TRAPPC1: variants seen among roughly 807,000 people sequenced by gnomAD.
TRAPPC1 encodes the protein trafficking protein particle complex subunit 1.
A neutral mutation model predicts 17.2 loss-of-function variants in TRAPPC1; 10 were observed. The observed-to-expected ratio is 0.58, with a 90% CI of 0.36 to 0.99. The LOEUF (loss-of-function observed/expected upper bound fraction) is 0.99. TRAPPC1 is among the 50% of genes least tolerant of loss of function. TRAPPC1 has a pLI of 0.01. For synonymous variants in TRAPPC1, 85 were observed against 74.5 expected, an observed-to-expected ratio of 1.14 and a Z score of -0.72; for missense variants, 163 against 184.4, an observed-to-expected ratio of 0.88 and a Z score of 0.67.
chr17:7,931,223 C>T, intron 2 of TRAPPC1, 74 bp from the exon 3 acceptor site: 4 of 1,528,888 alleles, frequency 2.6e-6, no homozygotes, highest in Non-Finnish European at 3.6e-6. Flanking sequence ...TCCCCGCAAA[C>T]ATCGACTCCC....
chr17:7,931,415 G>A (rs1972500457), intron 2 of TRAPPC1, 91 bp downstream of exon 2: 2 of 1,346,506 alleles, frequency 1.5e-6, no homozygotes, highest in Admixed American at 1.9e-5. Context: ...CCCCTCTGGA[G>A]GCCAATGCTC....
In TRAPPC1 at chr17:7,931,717, G is replaced by T; in HGVS notation, c.99+14C>A. The T allele has an allele frequency of 6.2e-7, 1 of 1,611,686 alleles. No homozygotes were observed. Among genetic ancestry groups the T allele is most frequent in the Non-Finnish European group, 8.5e-7 (1 of 1,177,770 alleles). ...TGAGAGGTCGCCCGGGCTGCACCGG[G>T]GCCCTCTCGTCACCTCCTCCTTGGG... On this transcript the variant is annotated intron_variant, in intron 1 of 3. Coordinates refer to ENST00000303731, the MANE Select transcript of TRAPPC1 (RefSeq NM_021210.5).
chr17:7,931,640 G>T, intron 1 of TRAPPC1, 64 bp from the exon 2 acceptor site: 1 of 1,317,584 alleles, frequency 7.6e-7, no homozygotes, highest in Non-Finnish European at 1.1e-6. Flanking sequence ...GGGTGGGAAC[G>T]AGCTGGGGTT....
At chr17:7,931,433 T>C in intron 2 of TRAPPC1, 73 bp downstream of exon 2, 1 of 1,486,272 alleles carries the variant, frequency 6.7e-7, no homozygotes, top group Non-Finnish European at 9.4e-7. Context: ...CTCCTTCCAC[T>C]TCAGAAAGTT....
chr17:7,930,955 G>T, intron 3 of TRAPPC1, 56 bp downstream of exon 3: 6 of 1,596,808 alleles, frequency 3.8e-6, no homozygotes, highest in Non-Finnish European at 5.1e-6. Flanking sequence ...GGGAGATGAG[G>T]GAGTCTTGGG....
At chr17:7,930,768 G>T (rs1972435846) in intron 3 of TRAPPC1, 34 bp from the exon 4 acceptor site, 1 of 1,608,104 alleles carries the variant, frequency 6.2e-7, no homozygotes, top group East Asian at 2.2e-5. Flanking sequence ...GCCAGGCTTT[G>T]GATACTTCTG....
At chr17:7,931,385 C>T in intron 2 of TRAPPC1, 121 bp downstream of exon 2, 1 of 1,152,306 alleles carries the variant, frequency 8.7e-7, no homozygotes, top group Admixed American at 2.0e-5. Flanking sequence ...CGGACTCAGC[C>T]TCTCTTAAGT....
At position 7,930,493 on chromosome 17, in the gene TRAPPC1, G is replaced by T. The variant is rs1203551265; in HGVS notation, c.*113C>A. ...CATCAGGGCAGGCCTTTAGGCTGTT[G>T]CTCTGGGCAGGGGGTGGGGGTGCGG... is the stretch of plus-strand genomic sequence containing the variant. On this transcript the variant is annotated 3_prime_UTR_variant, in exon 4 of 4. Transcript: ENST00000303731. 7.1e-7 allele frequency: 1 copy of T among 1,404,134 alleles called. No homozygotes were observed. The allele number at this position is 1,404,134 out of a possible 1,614,324, so 87.0% of individuals were successfully genotyped here. A position where few individuals can be genotyped will look rare whatever the true frequency, so the allele number is the denominator to read the frequency against.
chr17:7,931,316 A>G (rs938687661), intron 2 of TRAPPC1, 167 bp from the exon 3 acceptor site: 88 of 1,059,232 alleles, frequency 8.3e-5, no homozygotes, highest in Non-Finnish European at 1.1e-4. Context: ...GCCCCCACCA[A>G]CTTCTCTACT....
intron 2 of TRAPPC1, 35 bp from the exon 3 acceptor site, chr17:7,931,184 C>T (rs1972479282): frequency 1.2e-6 from 2 of 1,609,064 alleles, no homozygotes; most frequent in Non-Finnish European, 8.5e-7. Flanking sequence ...AGAATGGGAG[C>T]AGAATCTCTC....
At position 7,930,669 on chromosome 17, in the gene TRAPPC1, G is replaced by C. The variant is rs749842804; in HGVS notation, c.375C>G (p.Leu125=). The C allele has an allele frequency of 4.3e-6, 7 of 1,614,198 alleles. No individual in the cohort carries two copies. Among genetic ancestry groups the C allele is most frequent in the Non-Finnish European group, 5.9e-6 (7 of 1,180,030 alleles). ...CATAGGAGTCCAGTCGGGAGCGAAA[G>C]AGCTCACTTTGCACAGTTTGGCCCA... ...CPLGQTVQSE[L]FRSRLDSYVR... is the part of the protein sequence containing the mutation. Residue 125 remains leucine (L), a synonymous_variant, in exon 4 of 4, where the codon CTC becomes CTG. Coordinates refer to ENST00000303731, the MANE Select transcript of TRAPPC1 (RefSeq NM_021210.5).
rs768379826 is a variant in TRAPPC1 at position 7,930,680 on chromosome 17, GCA to G, written c.362_363del (p.Val121AlafsTer3). 2.8e-4 allele frequency: 446 copies of G among 1,614,182 alleles called. No homozygotes were observed. Among genetic ancestry groups the G allele is most frequent in the Non-Finnish European group, 3.4e-4 (404 of 1,180,026 alleles). The stretch of plus-strand genomic sequence containing the variant: ...AGTCGGGAGCGAAAGAGCTCACTTT[GCA>G]CAGTTTGGCCCAGCGGGCACAGGGG... ...KNPLCPLGQT[V>X]QSELFRSRLD... On this transcript the variant is annotated frameshift_variant, in exon 4 of 4. Coordinates refer to ENST00000303731, the MANE Select transcript of TRAPPC1 (RefSeq NM_021210.5). LOFTEE classifies it high-confidence loss of function.
rs1472616072 is a variant in TRAPPC1 at position 7,930,462 on chromosome 17, G to A, written c.*144C>T. On this transcript the variant is annotated 3_prime_UTR_variant, in exon 4 of 4. Transcript: ENST00000303731. ...CTCTGTGGGCTTCACTCTGGTAGGA[G>A]GAGAGCATCAGGGCAGGCCTTTAGG... The A allele has an allele frequency of 6.1e-6, 6 of 986,464 alleles. No homozygotes were observed. The African/African-American group carries it at 6.4e-5, about 11-fold the overall frequency. The allele number at this position is 986,464 out of a possible 1,614,324, so 61.1% of individuals were successfully genotyped here.
In TRAPPC1 at chr17:7,931,550, G is replaced by A; in HGVS notation, c.126C>T (p.Leu42=). 2 of 1,613,740 alleles carry A rather than the reference G, an allele frequency of 1.2e-6. No homozygotes were observed. The highest frequency in any genetic ancestry group is 1.7e-6 in the Non-Finnish European group (2 of 1,179,872). Residue 42 remains leucine, a synonymous_variant, in exon 2 of 4, where the codon CTC becomes CTT. Coordinates refer to ENST00000303731, the MANE Select transcript of TRAPPC1 (RefSeq NM_021210.5). ...TGCTGACAAACGAGCGGATAGAGAA[G>A]AGCATCCCGTACATCAGCTTATACT... ...EEEYKLMYGM[L]FSIRSFVSKM...
intron 2 of TRAPPC1, 153 bp downstream of exon 2, chr17:7,931,353 G>T: frequency 1.0e-6 from 1 of 983,508 alleles, no homozygotes; most frequent in Non-Finnish European, 1.5e-6. Flanking sequence ...CCCCACTCCT[G>T]CCAGCTCCAG....
In TRAPPC1 at chr17:7,930,618, G is replaced by A. The variant is rs1972419186; in HGVS notation, c.426C>T (p.Ala142=). The change falls in exon 4 of 4, where the codon GCC becomes GCT. Residue 142 remains alanine, a synonymous_variant. Transcript: ENST00000303731. Reference sequence around the variant, plus strand: ...GAGGTAGGTTGCTTCAGCCAGCCCGGGCGGAGAAGAAGGGCAGAGAGCGAA... The same window carrying A: ...GAGGTAGGTTGCTTCAGCCAGCCCGAGCGGAGAAGAAGGGCAGAGAGCGAA... ...SYVRSLPFFS[A]RAG is the part of the protein sequence containing the mutation. 3 of 1,614,120 alleles carry A rather than the reference G, an allele frequency of 1.9e-6. No individual in the cohort carries two copies. Among genetic ancestry groups the A allele is most frequent in the Non-Finnish European group, 1.7e-6 (2 of 1,180,018 alleles).
At chr17:7,931,235 C>G (rs1361226531) in intron 2 of TRAPPC1, 86 bp from the exon 3 acceptor site, 71 of 1,483,942 alleles carry the variant, frequency 4.8e-5, no homozygotes, top group Non-Finnish European at 6.1e-5. Flanking sequence ...TCGACTCCCT[C>G]TTTATCTAAA....
chr17:7,931,693 G>A (rs1463026166), intron 1 of TRAPPC1, 38 bp downstream of exon 1: 3 of 1,603,730 alleles, frequency 1.9e-6, no homozygotes, highest in Non-Finnish European at 2.6e-6. Flanking sequence ...GTTTGGAGAT[G>A]AGAGGTCGCC....
chr17:7,931,809 G>A lies in TRAPPC1; in HGVS notation c.21C>T (p.Tyr7=), dbSNP rs1972534549. The A allele has an allele frequency of 6.2e-7, 1 of 1,614,150 alleles. No individual in the cohort carries two copies. The highest frequency in any genetic ancestry group is 1.1e-5 in the South Asian group (1 of 91,084). Residue 7 remains tyrosine (Y), a synonymous_variant, in exon 1 of 4, where the codon TAC becomes TAT. Transcript: ENST00000303731. MTVHNL[Y]LFDRNGVCLH... is the part of the protein sequence containing the mutation. ...GACACACTCCATTCCGGTCAAACAG[G>A]TACAGGTTGTGGACAGTCATCTGCA...
Sources: gnomAD v4.1 joint callset for allele counts on GRCh38, gnomAD v4.1.1 for gene constraint, MANE v1.5 for transcripts, NCBI Gene and HGNC (gene_info 2026-07-23, HGNC 2026-07-21) for gene names.